GLG1: variants seen among roughly 807,000 people sequenced by gnomAD.
GLG1 encodes the protein Golgi apparatus protein 1.
Under a neutral mutation model 160.5 loss-of-function variants are expected in GLG1, and 38 were observed. The observed-to-expected ratio is 0.24, with a 90% CI of 0.18 to 0.31. The LOEUF (loss-of-function observed/expected upper bound fraction) is 0.31. GLG1 is among the 10% of genes least tolerant of loss of function. The pLI, the probability that GLG1 is intolerant of heterozygous loss-of-function variation, is 1.00. For missense variants in GLG1, 1,373 were observed against 1,505.2 expected, an observed-to-expected ratio of 0.91 and a Z score of 1.45; for synonymous variants, 644 against 543.4, an observed-to-expected ratio of 1.19 and a Z score of -2.57.
At chr16:74,481,042 T>G (rs982919773) in intron 10 of GLG1, among the ~76,000 whole-genome samples, 1 of 152,168 alleles carries the variant, frequency 6.6e-6, no homozygotes, top group Non-Finnish European at 1.5e-5. Flanking sequence ...AACAGAAAAC[T>G]AGAGTTATAG....
intron 1 of GLG1, among the ~76,000 whole-genome samples, chr16:74,597,623 G>A (rs947939941): frequency 2.6e-5 from 4 of 152,012 alleles, no homozygotes; most frequent in Non-Finnish European, 5.9e-5. Flanking sequence ...GGAGGCCGAA[G>A]CTGGCGGATA....
intron 1 of GLG1, among the ~76,000 whole-genome samples, chr16:74,595,526 G>A (rs976769486): frequency 1.2e-4 from 19 of 152,172 alleles, no homozygotes; most frequent in African/African-American, 4.3e-4. Flanking sequence ...GACAGAGCAA[G>A]ACTCCGTCTC....
At chr16:74,507,747 T>C (rs530128920) in intron 3 of GLG1, among the ~76,000 whole-genome samples, 3 of 152,034 alleles carry the variant, frequency 2.0e-5, no homozygotes, top group African/African-American at 7.2e-5. Context: ...AAAAAAAAAA[T>C]CTACTTACAA....
chr16:74,505,224 T>C (rs2016553768), intron 3 of GLG1, among the ~76,000 whole-genome samples: 1 of 152,194 alleles, frequency 6.6e-6, no homozygotes, highest in East Asian at 1.9e-4. Flanking sequence ...CAGGTTGTCT[T>C]CACCTCTAAC....
chr16:74,478,113 C>G (rs11149752), intron 11 of GLG1, among the ~76,000 whole-genome samples: 143,856 of 152,278 alleles, frequency 0.94, 68,144 homozygotes, highest in East Asian at 1. Flanking sequence ...TCTTTTATGA[C>G]AGTATCCTGA....
At position 74,453,205 on chromosome 16, in the gene GLG1, T is replaced by C. The variant is rs1358770819; in HGVS notation, c.3502A>G (p.Ile1168Val). The change falls in exon 26 of 26, where the codon ATC (isoleucine) becomes GTC (valine). Residue 1168 changes from isoleucine to valine, a missense_variant. Ile to Val is a conservative substitution (Grantham distance 29). Coordinates refer to ENST00000422840, the MANE Select transcript of GLG1 (RefSeq NM_001145667.2). Reference sequence around the variant, plus strand: ...AGCTCTCGTGTCACTCGCTTGGTGATCCGTCCACACATCAGGCCAATCAGG... The same window carrying C: ...AGCTCTCGTGTCACTCGCTTGGTGACCCGTCCACACATCAGGCCAATCAGG... The part of the protein sequence containing the change: ...LFLIGLMCGR[I>V]TKRVTRELKD... 3 of 1,613,988 alleles carry C rather than the reference T, an allele frequency of 1.9e-6. No homozygotes were observed. The highest frequency in any genetic ancestry group is 2.5e-6 in the Non-Finnish European group (3 of 1,180,016).
chr16:74,552,761 A>G (rs927191904), intron 1 of GLG1: 3 of 141,396 alleles, frequency 2.1e-5, no homozygotes, highest in African/African-American at 8.7e-5. Flanking sequence ...GGAGAGGATT[A>G]TTTTGCATTG....
At chr16:74,593,737 G>A (rs1173065808) in intron 1 of GLG1, among the ~76,000 whole-genome samples, 1 of 151,308 alleles carries the variant, frequency 6.6e-6, no homozygotes, top group South Asian at 2.1e-4. Context: ...ACCTGGCCAG[G>A]TACCAGAGCA....
chr16:74,454,431 G>A (rs900813860), intron 25 of GLG1, among the ~76,000 whole-genome samples: 14 of 151,144 alleles, frequency 9.3e-5, no homozygotes. Flanking sequence ...CACTTTGGGA[G>A]GCTGAGATGG....
intron 1 of GLG1, among the ~76,000 whole-genome samples, chr16:74,604,102 A>C (rs1958507706): frequency 6.6e-6 from 1 of 151,984 alleles, no homozygotes; most frequent in Admixed American, 6.6e-5. Context: ...GCTTCAGTGA[A>C]CTCTCAAACC....
chr16:74,494,586 T>C (rs1567479922), intron 6 of GLG1, among the ~76,000 whole-genome samples, 174 bp downstream of exon 6: 1 of 151,914 alleles, frequency 6.6e-6, no homozygotes, highest in Non-Finnish European at 1.5e-5. Flanking sequence ...TTTGTATTTT[T>C]AGTAGAGACG....
intron 22 of GLG1, among the ~76,000 whole-genome samples, chr16:74,461,060 G>GC (rs2014772276): frequency 6.6e-6 from 1 of 152,120 alleles, no homozygotes; most frequent in African/African-American, 2.4e-5. Flanking sequence ...TTTGTTATGA[G>GC]CTCCTGAAAT....
intron 2 of GLG1, among the ~76,000 whole-genome samples, chr16:74,520,941 T>A (rs1378732353): frequency 6.6e-6 from 1 of 152,132 alleles, no homozygotes; most frequent in Non-Finnish European, 1.5e-5. Flanking sequence ...GAGTTTACAT[T>A]CTATGAAAGA....
chr16:74,504,444 T>C (rs1475443062), intron 3 of GLG1, among the ~76,000 whole-genome samples: 1 of 152,166 alleles, frequency 6.6e-6, no homozygotes, highest in Admixed American at 6.5e-5. Flanking sequence ...CTCACCTCCA[T>C]GCCAGGCTAA....
chr16:74,492,732 T>C (rs568332011), intron 7 of GLG1, among the ~76,000 whole-genome samples: 10 of 147,762 alleles, frequency 6.8e-5, no homozygotes, highest in African/African-American at 2.0e-4. Flanking sequence ...GGCAGGAGAA[T>C]GGCGTGAACA....
chr16:74,505,286 G>C (rs1160539172), intron 3 of GLG1, among the ~76,000 whole-genome samples: 1 of 152,214 alleles, frequency 6.6e-6, no homozygotes, highest in Non-Finnish European at 1.5e-5. Context: ...AAAGAAAGTT[G>C]TGTTTACTTC....
chr16:74,606,288 T>C (rs1430491918), intron 1 of GLG1, among the ~76,000 whole-genome samples: 2 of 152,208 alleles, frequency 1.3e-5, no homozygotes, highest in African/African-American at 2.4e-5. Flanking sequence ...TTGCCACAAA[T>C]TGTCCTAGTC....
At chr16:74,577,677 C>T (rs1169394366) in intron 1 of GLG1, among the ~76,000 whole-genome samples, 1 of 152,004 alleles carries the variant, frequency 6.6e-6, no homozygotes, top group Non-Finnish European at 1.5e-5. Flanking sequence ...GTAGTGGCAT[C>T]ATCATGGTTC....
chr16:74,451,823 C>T lies in GLG1; in HGVS notation c.*1344G>A, dbSNP rs1425543649. 3 of 486,942 alleles carry T rather than the reference C, an allele frequency of 6.2e-6. No homozygotes were observed. The highest frequency in any genetic ancestry group is 3.6e-5 in the East Asian group (1 of 27,702). The allele number at this position is 486,942 out of a possible 1,614,324, so 30.2% of individuals were successfully genotyped here. A position where few individuals can be genotyped will look rare whatever the true frequency, so the allele number is the denominator to read the frequency against. On this transcript the variant is annotated 3_prime_UTR_variant, in exon 26 of 26. Transcript: ENST00000422840. ...TCATCTCCACACTGGAGGAATGAGG[C>T]GGGATGGCCAAGAATATTGCTTCTA...
Sources: allele counts gnomAD v4.1 joint callset (sites outside exome capture counted in the v4.1 genomes callset), GRCh38; gene constraint gnomAD v4.1.1; transcripts MANE v1.5; gene names NCBI Gene and HGNC (gene_info 2026-07-23, HGNC 2026-07-21).